SCAI: variants seen among roughly 807,000 people sequenced by gnomAD.
SCAI encodes the protein suppressor of cancer cell invasion.
SCAI carries 24 observed loss-of-function variants against 92.2 expected under a neutral mutation model. The ratio of observed to expected loss-of-function variants is 0.26; its 90% CI spans 0.19 to 0.37. SCAI has a LOEUF of 0.37. SCAI is among the 10% of genes least tolerant of loss of function. SCAI has a pLI of 1.00. For missense variants in SCAI, 450 were observed against 736.2 expected, an observed-to-expected ratio of 0.61 and a Z score of 4.50; for synonymous variants, 261 against 258.6, an observed-to-expected ratio of 1.01 and a Z score of -0.09.
chr9:125,125,963 G>A (rs945848631), intron 2 of SCAI, among the ~76,000 whole-genome samples: 2 of 131,988 alleles, frequency 1.5e-5, no homozygotes, highest in Non-Finnish European at 3.2e-5. Flanking sequence ...CTCTCTCTTT[G>A]TCCATCAGAA....
At chr9:125,057,505 T>C (rs923263525) in intron 2 of SCAI, among the ~76,000 whole-genome samples, 1 of 152,114 alleles carries the variant, frequency 6.6e-6, no homozygotes, top group Non-Finnish European at 1.5e-5. Flanking sequence ...ACCATTAAAG[T>C]AAAACTTAGG....
rs749693767 is a variant in SCAI, at chr9:124,995,006, G to A, written c.1254C>T (p.Pro418=). The change falls in exon 14 of 18, where the codon CCC becomes CCT. Residue 418 remains proline (P), a synonymous_variant. Coordinates refer to ENST00000336505, the MANE Select transcript of SCAI (RefSeq NM_001144877.3). ...TCCTGGTGAAAGGATAGAGATCCCC[G>A]GGATGAAGGCTGGGAAAACAACAAC... ...QSHKEMHCLH[P]GDLYPFTRKP... is the part of the protein sequence containing the mutation. 9.3e-6 allele frequency: 15 copies of A among 1,609,976 alleles called. No individual in the cohort carries two copies. The highest frequency in any genetic ancestry group is 8.0e-5 in the African/African-American group (6 of 74,824).
At chr9:125,065,442 A>G (rs1317657953) in intron 2 of SCAI, among the ~76,000 whole-genome samples, 1 of 152,206 alleles carries the variant, frequency 6.6e-6, no homozygotes, top group Non-Finnish European at 1.5e-5. Context: ...CCTAATTGAA[A>G]GCCTACCCAC....
chr9:124,995,252 G>A (rs2131621770), intron 13 of SCAI, among the ~76,000 whole-genome samples: 1 of 151,916 alleles, frequency 6.6e-6, no homozygotes, highest in East Asian at 1.9e-4. Flanking sequence ...AAGCTAAAGT[G>A]AAGTCTGTGT....
rs1053187768 is a variant in SCAI at position 125,001,999 on chromosome 9, A to C, written c.1110T>G (p.Thr370=). 6.2e-7 allele frequency: 1 copy of C among 1,613,860 alleles called. No individual in the cohort carries two copies. Among genetic ancestry groups the C allele is most frequent in the African/African-American group, 1.3e-5 (1 of 75,058 alleles). Residue 370 remains threonine (T), a synonymous_variant, in exon 12 of 18, where the codon ACT becomes ACG. Coordinates refer to ENST00000336505, the MANE Select transcript of SCAI (RefSeq NM_001144877.3). ...NSVLLIYLSA[T]GVFPTGRSDS... ...CAGAACGACCTGTGGGGAAAACGCC[A>C]GTGGCCGACAGGTAAATCAGAAGCA...
intron 2 of SCAI, among the ~76,000 whole-genome samples, chr9:125,063,822 C>T (rs1344004345): frequency 2.0e-5 from 3 of 150,736 alleles, no homozygotes; most frequent in Non-Finnish European, 2.9e-5. Context: ...GGCGGGATCT[C>T]GGCTTACTGC....
chr9:125,119,965 C>T (rs1367779934), intron 2 of SCAI, among the ~76,000 whole-genome samples: 1 of 152,172 alleles, frequency 6.6e-6, no homozygotes, highest in East Asian at 1.9e-4. Context: ...AAAAGTGACA[C>T]TCCAGAGAGA....
intron 2 of SCAI, among the ~76,000 whole-genome samples, chr9:125,092,727 C>T (rs1247334567): frequency 6.6e-6 from 1 of 152,228 alleles, no homozygotes; most frequent in Admixed American, 6.5e-5. Flanking sequence ...CTATCATCAG[C>T]ATTCAAACAG....
At chr9:124,968,613 G>T in intron 17 of SCAI, 1 of 946,156 alleles carries the variant, frequency 1.1e-6, no homozygotes, top group Non-Finnish European at 1.8e-6. Flanking sequence ...CTCTGCTAAA[G>T]AGTCCAGTGA....
chr9:124,972,847 T>C (rs1403007433), intron 15 of SCAI, among the ~76,000 whole-genome samples: 1 of 152,218 alleles, frequency 6.6e-6, no homozygotes, highest in Non-Finnish European at 1.5e-5. Context: ...AGCTGGCTAC[T>C]AGTCATTGTG....
chr9:125,106,596 C>T (rs866218509), intron 2 of SCAI, among the ~76,000 whole-genome samples: 1 of 152,046 alleles, frequency 6.6e-6, no homozygotes, highest in Non-Finnish European at 1.5e-5. Flanking sequence ...TTTTATTACA[C>T]TGAAATGTAA....
At chr9:124,977,148 C>A (rs968806997) in intron 14 of SCAI, among the ~76,000 whole-genome samples, 1 of 152,164 alleles carries the variant, frequency 6.6e-6, no homozygotes, top group Non-Finnish European at 1.5e-5. Flanking sequence ...GGATTACAGG[C>A]ATGAGCCAGC....
chr9:125,130,243 C>G (rs895712892), intron 2 of SCAI, among the ~76,000 whole-genome samples: 3 of 152,078 alleles, frequency 2.0e-5, no homozygotes, highest in African/African-American at 4.8e-5. Flanking sequence ...TATCAATTTA[C>G]AAGACACAAA....
intron 17 of SCAI, among the ~76,000 whole-genome samples, chr9:124,960,665 G>A (rs548997782): frequency 2.2e-4 from 34 of 152,276 alleles, no homozygotes; most frequent in African/African-American, 8.2e-4. Flanking sequence ...GGGGTAATGG[G>A]TACTGGACTG....
chr9:125,138,880 C>T (rs1056081917), intron 2 of SCAI, among the ~76,000 whole-genome samples: 2 of 152,172 alleles, frequency 1.3e-5, no homozygotes, highest in Non-Finnish European at 2.9e-5. Context: ...GATGAGGAAA[C>T]TGAGGCAGAG....
intron 17 of SCAI, chr9:124,968,534 G>C: frequency 1.1e-6 from 1 of 870,206 alleles, no homozygotes; most frequent in East Asian, 2.4e-5. Context: ...TACCAGTTAA[G>C]ACACCACTCC....
chr9:124,995,942 C>T (rs112763150), intron 13 of SCAI, among the ~76,000 whole-genome samples: 56 of 152,118 alleles, frequency 3.7e-4, no homozygotes, highest in African/African-American at 8.2e-4. Flanking sequence ...TCTTGGTGTG[C>T]GTGCTCTTTC....
intron 14 of SCAI, among the ~76,000 whole-genome samples, chr9:124,988,418 C>G (rs990784189): frequency 6.6e-6 from 1 of 151,616 alleles, no homozygotes; most frequent in Non-Finnish European, 1.5e-5. Context: ...GAAGCAGATA[C>G]GAGGCAGGGA....
At chr9:125,127,436 A>G (rs2131259514) in intron 2 of SCAI, among the ~76,000 whole-genome samples, 1 of 145,678 alleles carries the variant, frequency 6.9e-6, no homozygotes, top group East Asian at 2.0e-4. Context: ...ACGGGTTCTC[A>G]TTATGTTGCC....
Sources: gnomAD v4.1 joint callset for allele counts (sites outside exome capture counted in the v4.1 genomes callset) on GRCh38, gnomAD v4.1.1 for gene constraint, MANE v1.5 for transcripts, NCBI Gene and HGNC (gene_info 2026-07-23, HGNC 2026-07-21) for gene names.